GULP1: variants seen among roughly 807,000 people sequenced by gnomAD.
The protein encoded by GULP1 is PTB domain-containing engulfment adapter protein 1.
A neutral mutation model predicts 40.9 loss-of-function variants in GULP1; 19 were observed. The ratio of observed to expected loss-of-function variants is 0.46; its 90% CI spans 0.32 to 0.68. The LOEUF is 0.68. GULP1 is among the 30% of genes least tolerant of loss of function. The pLI is 0.03. For synonymous variants in GULP1, 119 were observed against 117.6 expected, an observed-to-expected ratio of 1.01 and a Z score of -0.08; for missense variants, 312 against 362.2, an observed-to-expected ratio of 0.86 and a Z score of 1.12.
intron 3 of GULP1, among the ~76,000 whole-genome samples, chr2:188,480,918 G>A (rs1226104974): frequency 1.3e-5 from 2 of 151,722 alleles, no homozygotes; most frequent in African/African-American, 2.4e-5. Context: ...TTATTCAAAT[G>A]TATCTATTCA....
At chr2:188,591,129 TA>T (rs1237824855) in intron 11 of GULP1, 1 of 151,920 alleles carries the variant, frequency 6.6e-6, no homozygotes, top group African/African-American at 2.4e-5. Context: ...AACAGATAAA[TA>T]AAAAAGCACT....
intron 2 of GULP1, among the ~76,000 whole-genome samples, chr2:188,401,201 C>T (rs545589237): frequency 7.3e-5 from 11 of 151,402 alleles, no homozygotes; most frequent in African/African-American, 1.5e-4. Flanking sequence ...GAGTATTATG[C>T]GGAATTAAAT....
At chr2:188,548,628 C>CA (rs1340570765) in intron 7 of GULP1, among the ~76,000 whole-genome samples, 1 of 151,734 alleles carries the variant, frequency 6.6e-6, no homozygotes, top group African/African-American at 2.4e-5. Context: ...AAAACAATTT[C>CA]AAAAAAAGAG....
intron 6 of GULP1, among the ~76,000 whole-genome samples, chr2:188,532,245 A>C (rs114339340): frequency 1.3e-5 from 2 of 152,180 alleles, no homozygotes; most frequent in Admixed American, 1.3e-4. Context: ...GAATGTTTCA[A>C]ATTTTTTGTT....
At chr2:188,499,404 T>A (rs1322798542) in intron 4 of GULP1, among the ~76,000 whole-genome samples, 1 of 151,356 alleles carries the variant, frequency 6.6e-6, no homozygotes, top group East Asian at 1.9e-4. Context: ...CATGGTAAAA[T>A]GTCTAAAAAG....
At chr2:188,540,446 G>T (rs999907470) in intron 6 of GULP1, among the ~76,000 whole-genome samples, 1 of 151,736 alleles carries the variant, frequency 6.6e-6, no homozygotes, top group African/African-American at 2.4e-5. Flanking sequence ...ATGTGTGTGT[G>T]TGTGTGTGCG....
At chr2:188,454,947 A>T (rs1423833655) in intron 2 of GULP1, among the ~76,000 whole-genome samples, 1 of 151,852 alleles carries the variant, frequency 6.6e-6, no homozygotes, top group Non-Finnish European at 1.5e-5. Flanking sequence ...ACATAGTGAG[A>T]CCCCCATCTG....
intron 1 of GULP1, among the ~76,000 whole-genome samples, chr2:188,329,468 T>C (rs2041249148): frequency 6.6e-6 from 1 of 152,080 alleles, no homozygotes; most frequent in Non-Finnish European, 1.5e-5. Context: ...ACCATCTGCA[T>C]AGAAAAACAG....
intron 2 of GULP1, among the ~76,000 whole-genome samples, chr2:188,435,998 A>G (rs1001031594): frequency 6.6e-6 from 1 of 152,056 alleles, no homozygotes; most frequent in African/African-American, 2.4e-5. Context: ...CTCAAAATCA[A>G]CTGTTTTGAG....
intron 7 of GULP1, among the ~76,000 whole-genome samples, chr2:188,557,266 C>A (rs992463951): frequency 1.7e-4 from 26 of 152,272 alleles, no homozygotes; most frequent in African/African-American, 6.0e-4. Context: ...GTCCAAAGTC[C>A]AAAATCTCAT....
chr2:188,353,873 C>T (rs982030860), intron 1 of GULP1, among the ~76,000 whole-genome samples: 1 of 151,926 alleles, frequency 6.6e-6, no homozygotes. Context: ...TTACATAATG[C>T]CTCCCAGGGA....
intron 9 of GULP1, among the ~76,000 whole-genome samples, chr2:188,582,108 C>T (rs1701443669): frequency 6.6e-6 from 1 of 151,756 alleles, no homozygotes; most frequent in African/African-American, 2.4e-5. Context: ...TTTAAAATAC[C>T]AAAAAATGTA....
chr2:188,362,662 A>G (rs1286714189), intron 1 of GULP1, among the ~76,000 whole-genome samples: 2 of 152,154 alleles, frequency 1.3e-5, no homozygotes, highest in Non-Finnish European at 2.9e-5. Flanking sequence ...ACAAAGGAGT[A>G]ACTACAGTCC....
intron 7 of GULP1, among the ~76,000 whole-genome samples, chr2:188,562,109 A>C (rs561949946): frequency 1.1e-3 from 164 of 152,280 alleles, no homozygotes; most frequent in Non-Finnish European, 2.1e-3. Context: ...GACAGTGTGC[A>C]ATCTGCTCAA....
intron 5 of GULP1, among the ~76,000 whole-genome samples, chr2:188,527,233 AGTTCTT>A (rs1329873682): frequency 1.3e-5 from 2 of 152,160 alleles, no homozygotes; most frequent in African/African-American, 4.8e-5. Flanking sequence ...AAGGTTGCAC[AGTTCTT>A]GTCAGAGGTC....
At chr2:188,388,625 C>G (rs76563391) in intron 2 of GULP1, among the ~76,000 whole-genome samples, 10,232 of 152,156 alleles carry the variant, frequency 0.067, 1,162 homozygotes, top group African/African-American at 0.23. Flanking sequence ...GAGAGCAGCT[C>G]AAAGGAAGGC....
chr2:188,303,633 C>G (rs1242591365), intron 1 of GULP1, among the ~76,000 whole-genome samples: 3 of 152,058 alleles, frequency 2.0e-5, no homozygotes, highest in Non-Finnish European at 4.4e-5. Context: ...GTGTTAAAAG[C>G]ATGGAGATTG....
chr2:188,372,403 G>A (rs200586432), intron 1 of GULP1, among the ~76,000 whole-genome samples: 1 of 152,034 alleles, frequency 6.6e-6, no homozygotes, highest in East Asian at 1.9e-4. Context: ...ATGGTGAAAT[G>A]TCTGCGAAAG....
intron 2 of GULP1, among the ~76,000 whole-genome samples, chr2:188,427,120 A>G (rs186197069): frequency 1.1e-4 from 17 of 152,188 alleles, no homozygotes; most frequent in Non-Finnish European, 1.6e-4. Flanking sequence ...TGAAATTTCT[A>G]AGGAGCAAAG....
Sources: allele counts gnomAD v4.1 joint callset (sites outside exome capture counted in the v4.1 genomes callset), GRCh38; gene constraint gnomAD v4.1.1; transcripts MANE v1.5; gene names NCBI Gene and HGNC (gene_info 2026-07-23, HGNC 2026-07-21).